The following SLC2A9 variants were observed in gnomAD, a reference collection of about 807,000 sequenced individuals.
SLC2A9 encodes the protein solute carrier family 2 member 9.
Under a neutral mutation model 50.6 loss-of-function variants are expected in SLC2A9, and 39 were observed. That is an observed-to-expected ratio of 0.77 (90% CI 0.60 to 1.01). SLC2A9 has a LOEUF of 1.01. Ranked by LOEUF, SLC2A9 falls within the 50% of genes least tolerant of loss-of-function variation. SLC2A9 has a pLI of 0.00. For synonymous variants in SLC2A9, 324 were observed against 276.9 expected (o/e 1.17, Z -1.69); for missense variants, 686 against 677.6 (o/e 1.01, Z -0.14).
At chr4:9,975,616 G>A (rs186281220) in intron 5 of SLC2A9, among the ~76,000 whole-genome samples, 38 of 152,246 alleles carry the variant, frequency 2.5e-4, no homozygotes, top group Admixed American at 2.0e-3. Flanking sequence ...ATGCTAATGA[G>A]GCTGCAGAGA....
chr4:9,877,266 C>T (rs991938452), intron 10 of SLC2A9, among the ~76,000 whole-genome samples: 4 of 152,188 alleles, frequency 2.6e-5, no homozygotes, highest in South Asian at 4.1e-4. Context: ...AGAATGTGCC[C>T]GTACCTGCCT....
In SLC2A9 at chr4:9,866,583, C is replaced by T. The variant is rs151162642; in HGVS notation, c.1291+20984G>A. On this transcript the variant is annotated intron_variant, in intron 10 of 11. Coordinates refer to ENST00000264784, the MANE Select transcript of SLC2A9 (RefSeq NM_020041.3). ...ATTCACGCTCATGTCAGTGACAACC[C>T]GAGAACTGGGGAAGGAAGATGGGGC... 4.8e-3 allele frequency among the ~76,000 whole-genome samples: 723 copies of T among 152,156 alleles called. 8 individuals carry two copies. Among genetic ancestry groups the T allele is most frequent in the African/African-American group, 0.016 (678 of 41,496 alleles).
At chr4:9,935,940 C>T (rs1560337735) in intron 6 of SLC2A9, among the ~76,000 whole-genome samples, 1 of 152,168 alleles carries the variant, frequency 6.6e-6, no homozygotes, top group Non-Finnish European at 1.5e-5. Flanking sequence ...TTTTTGGGAG[C>T]TGTTGTGTCT....
downstream of SLC2A9, among the ~76,000 whole-genome samples, chr4:9,794,171 G>A (rs1429719854): frequency 6.9e-6 from 1 of 145,128 alleles, no homozygotes; most frequent in Non-Finnish European, 1.5e-5. Flanking sequence ...TGTGTGATAT[G>A]GAGTTTCACT....
intron 10 of SLC2A9, among the ~76,000 whole-genome samples, chr4:9,873,120 T>C (rs1177125779): frequency 6.6e-6 from 1 of 152,166 alleles, no homozygotes; most frequent in African/African-American, 2.4e-5. Flanking sequence ...CCAGTTTGAG[T>C]GTACCATATG....
intron 10 of SLC2A9, among the ~76,000 whole-genome samples, chr4:9,850,766 C>T (rs1313827826): frequency 1.3e-5 from 2 of 152,128 alleles, no homozygotes; most frequent in Non-Finnish European, 2.9e-5. Flanking sequence ...ACCTTGCCTC[C>T]CTCTCTTCCA....
chr4:9,930,172 C>A (rs1327305163), intron 6 of SLC2A9, among the ~76,000 whole-genome samples: 1 of 152,218 alleles, frequency 6.6e-6, no homozygotes, highest in Non-Finnish European at 1.5e-5. Flanking sequence ...TTCCTCCTCT[C>A]TCTCTCAGTC....
intron 3 of SLC2A9, among the ~76,000 whole-genome samples, chr4:9,799,520 G>C (rs1037613553): frequency 6.6e-6 from 1 of 151,936 alleles, no homozygotes; most frequent in Non-Finnish European, 1.5e-5. Flanking sequence ...AGCTCCTAAA[G>C]GCACCACCTC....
At chr4:9,984,604 T>A (rs1171755271) in intron 4 of SLC2A9, among the ~76,000 whole-genome samples, 2 of 152,196 alleles carry the variant, frequency 1.3e-5, no homozygotes, top group East Asian at 1.9e-4. Context: ...AGGCTTGCAA[T>A]CTTTCCACAA....
At position 9,826,537 on chromosome 4, in the gene SLC2A9, G is replaced by A; in HGVS notation, c.1483C>T (p.Leu495=). 6.2e-7 allele frequency: 1 copy of A among 1,613,994 alleles called. No homozygotes were observed. Residue 495 remains leucine, a synonymous_variant, in exon 12 of 12, where the codon CTG becomes TTG. Transcript: ENST00000264784. ...TTGGTCTCAGGCAGCACAAAATACA[G>A]GTAGATAGCACCTGTGATACAAATT... ...ATICITGAIY[L]YFVLPETKNR... is the part of the protein sequence containing the mutation.
At chr4:9,910,712 C>T (rs570084872) in intron 7 of SLC2A9, among the ~76,000 whole-genome samples, 1 of 152,314 alleles carries the variant, frequency 6.6e-6, no homozygotes, top group South Asian at 2.1e-4. Context: ...GCTCCTCTCA[C>T]CCCTCACAAC....
chr4:9,811,460 G>A (rs1033656709), intron 3 of SLC2A9, among the ~76,000 whole-genome samples: 7 of 152,178 alleles, frequency 4.6e-5, no homozygotes, highest in African/African-American at 1.7e-4. Context: ...GTCAGGCTGG[G>A]GCCTTTTGGA....
intron 10 of SLC2A9, among the ~76,000 whole-genome samples, chr4:9,877,709 T>C (rs747499073): frequency 1.2e-4 from 18 of 152,212 alleles, no homozygotes; most frequent in Admixed American, 7.9e-4. Context: ...TGGTTTCTTC[T>C]TTCCAGATGT....
intron 5 of SLC2A9, among the ~76,000 whole-genome samples, chr4:9,974,680 A>C (rs927438396): frequency 6.6e-6 from 1 of 152,238 alleles, no homozygotes; most frequent in Non-Finnish European, 1.5e-5. Flanking sequence ...AATACTGCCC[A>C]AAGCAATCTA....
intron 10 of SLC2A9, among the ~76,000 whole-genome samples, chr4:9,884,185 T>C (rs920376847): frequency 1.3e-5 from 2 of 152,242 alleles, no homozygotes; most frequent in African/African-American, 4.8e-5. Context: ...TTACACTGAC[T>C]GATACATGCT....
At chr4:9,839,100 G>T (rs1727582475) in intron 10 of SLC2A9, among the ~76,000 whole-genome samples, 1 of 151,984 alleles carries the variant, frequency 6.6e-6, no homozygotes, top group South Asian at 2.1e-4. Flanking sequence ...TGCAAACTAT[G>T]CATCTGACAA....
At chr4:9,832,399 G>A (rs1287701129) in intron 11 of SLC2A9, among the ~76,000 whole-genome samples, 1 of 152,120 alleles carries the variant, frequency 6.6e-6, no homozygotes, top group African/African-American at 2.4e-5. Flanking sequence ...CCCAGGCTTG[G>A]GTCAGGAGGC....
intron 3 of SLC2A9, among the ~76,000 whole-genome samples, chr4:9,807,992 C>G (rs1722348443): frequency 6.6e-6 from 1 of 152,224 alleles, no homozygotes; most frequent in Admixed American, 6.5e-5. Flanking sequence ...GTCTTGCCAC[C>G]TTGCAGCTGG....
intron 11 of SLC2A9, among the ~76,000 whole-genome samples, chr4:9,833,046 C>T (rs1726435721): frequency 6.6e-6 from 1 of 152,198 alleles, no homozygotes; most frequent in African/African-American, 2.4e-5. Context: ...ACCATGTTGA[C>T]AGAAGCAGCT....
Sources: gnomAD v4.1 joint callset for allele counts (sites outside exome capture counted in the v4.1 genomes callset) on GRCh38, gnomAD v4.1.1 for gene constraint, MANE v1.5 for transcripts, NCBI Gene and HGNC (gene_info 2026-07-23, HGNC 2026-07-21) for gene names.